Variants in FGF10 observed in about 807,000 individuals in gnomAD.
FGF10 encodes fibroblast growth factor 10, also known as FGF-10.
Under a neutral mutation model 19.8 loss-of-function variants are expected in FGF10, and 2 were observed. The observed-to-expected ratio is 0.10, with a 90% CI of 0.04 to 0.32. The LOEUF (loss-of-function observed/expected upper bound fraction) is 0.32. FGF10 is among the 10% of genes least tolerant of loss of function. The pLI is 1.00. For missense variants in FGF10, 191 were observed against 246.3 expected (o/e 0.78, Z 1.50); for synonymous variants, 112 against 94.0 (o/e 1.19, Z -1.10).
intron 1 of FGF10, among the ~76,000 whole-genome samples, chr5:44,313,509 A>C (rs2111699383): frequency 6.6e-6 from 1 of 152,184 alleles, no homozygotes; most frequent in South Asian, 2.1e-4. Flanking sequence ...AAGTGAGTTA[A>C]GGGCATACTG....
chr5:44,361,615 C>G (rs923194129), intron 1 of FGF10, among the ~76,000 whole-genome samples: 5 of 151,642 alleles, frequency 3.3e-5, no homozygotes, highest in Non-Finnish European at 5.9e-5. Context: ...GATAATAGCT[C>G]TGTTTAGGAG....
In FGF10 at chr5:44,388,562, C is replaced by A; in HGVS notation, c.121G>T (p.Gly41Cys). The A allele has an allele frequency of 6.2e-7, 1 of 1,614,080 alleles. No individual in the cohort carries two copies. Among genetic ancestry groups the A allele is most frequent in the Non-Finnish European group, 8.5e-7 (1 of 1,180,014 alleles). Residue 41 changes from glycine to cysteine, a missense_variant, in exon 1 of 3, where the codon GGT (glycine) becomes TGT (cysteine). Gly to Cys is a radical substitution (Grantham distance 159). This residue lies in a region of FGF10 where 92 missense variants were observed against 84.6 expected (regional missense o/e 1.09). Transcript: ENST00000264664. ...SSVPVTCQAL[G>C]QDMVSPEATN... ...GCCTCTGGTGACACCATGTCCTGAC[C>A]AAGGGCTTGGCAGGTGACAGGGACG...
chr5:44,302,785 G>C lies in FGF10; in HGVS notation c.*2210C>G, dbSNP rs994010337. ...GTTTTAGTGTCTTGAGTACTATAAT[G>C]ATGACTGTTTACACATAGTCTCTTT... On this transcript the variant is annotated 3_prime_UTR_variant, in exon 3 of 3. Coordinates refer to ENST00000264664, the MANE Select transcript of FGF10 (RefSeq NM_004465.2). Among the ~76,000 whole-genome samples the C allele has an allele frequency of 6.6e-6, 1 of 152,126 alleles. No individual in the cohort carries two copies. The highest frequency in any genetic ancestry group is 6.6e-5 in the Admixed American group (1 of 15,246).
At position 44,388,487 on chromosome 5, in the gene FGF10, G is replaced by A. The variant is rs562084259; in HGVS notation, c.196C>T (p.His66Tyr). The change falls in exon 1 of 3, where the codon CAT becomes TAT. Residue 66 changes from histidine to tyrosine, a missense_variant. Physicochemically the swap from His to Tyr is moderately conservative, Grantham distance 83. Coordinates refer to ENST00000264664, the MANE Select transcript of FGF10 (RefSeq NM_004465.2). ...SFSSPSSAGR[H>Y]VRSYNHLQGD... ...TGAAGGTGATTGTAGCTCCGCACAT[G>A]CCTTCCCGCGCTGGAAGGAGAGGAG... is the stretch of plus-strand genomic sequence containing the variant. The A allele has an allele frequency of 1.2e-6, 2 of 1,614,118 alleles. No individual in the cohort carries two copies. Among genetic ancestry groups the A allele is most frequent in the East Asian group, 4.5e-5 (2 of 44,852 alleles).
chr5:44,372,642 G>T (rs1455676565), intron 1 of FGF10, among the ~76,000 whole-genome samples: 1 of 152,006 alleles, frequency 6.6e-6, no homozygotes, highest in Non-Finnish European at 1.5e-5. Flanking sequence ...TAAGACTCTG[G>T]GTATGATCTA....
intron 1 of FGF10, among the ~76,000 whole-genome samples, chr5:44,333,896 G>C (rs1740790608): frequency 6.6e-6 from 1 of 151,936 alleles, no homozygotes; most frequent in African/African-American, 2.4e-5. Flanking sequence ...GCAGCGGGAG[G>C]GAAAGCAGAA....
chr5:44,364,042 C>G (rs1215756764), intron 1 of FGF10, among the ~76,000 whole-genome samples: 1 of 151,798 alleles, frequency 6.6e-6, no homozygotes. Flanking sequence ...AAAGAAAACA[C>G]CAGGGCTGAG....
chr5:44,375,562 G>T (rs891839676), intron 1 of FGF10, among the ~76,000 whole-genome samples: 1 of 152,098 alleles, frequency 6.6e-6, no homozygotes, highest in Non-Finnish European at 1.5e-5. Flanking sequence ...AATCATGAGG[G>T]TCTTATATGA....
At chr5:44,357,369 C>T (rs1426052328) in intron 1 of FGF10, among the ~76,000 whole-genome samples, 1 of 151,234 alleles carries the variant, frequency 6.6e-6, no homozygotes, top group Non-Finnish European at 1.5e-5. Context: ...AGGTTTTTTT[C>T]TTATTAGTTT....
At chr5:44,340,253 T>C (rs1342808548) in intron 1 of FGF10, among the ~76,000 whole-genome samples, 2 of 152,062 alleles carry the variant, frequency 1.3e-5, no homozygotes, top group African/African-American at 2.4e-5. Flanking sequence ...GAACTGAAAG[T>C]AGCCCAAAGA....
intron 1 of FGF10, among the ~76,000 whole-genome samples, chr5:44,348,814 A>T (rs1032238138): frequency 6.6e-6 from 1 of 151,568 alleles, no homozygotes; most frequent in African/African-American, 2.4e-5. Context: ...TGGCAGCTCT[A>T]CATGGGGAGA....
chr5:44,325,218 TA>T (rs1338376394), intron 1 of FGF10, among the ~76,000 whole-genome samples: 1 of 152,060 alleles, frequency 6.6e-6, no homozygotes, highest in Non-Finnish European at 1.5e-5. Context: ...TGGCGGTCAT[TA>T]AAAAGTCAGG....
chr5:44,356,637 T>G (rs904985168), intron 1 of FGF10, among the ~76,000 whole-genome samples: 1 of 151,452 alleles, frequency 6.6e-6, no homozygotes, highest in African/African-American at 2.4e-5. Flanking sequence ...GCAGAAAGAC[T>G]CCACGCCTTT....
intron 1 of FGF10, among the ~76,000 whole-genome samples, chr5:44,336,612 T>C (rs1740859285): frequency 6.6e-6 from 1 of 152,160 alleles, no homozygotes; most frequent in South Asian, 2.1e-4. Flanking sequence ...ACATTTGGAC[T>C]TTGGAAAGCT....
chr5:44,363,497 C>G (rs968119274), intron 1 of FGF10, among the ~76,000 whole-genome samples: 1 of 151,840 alleles, frequency 6.6e-6, no homozygotes, highest in African/African-American at 2.4e-5. Context: ...AAGCTTTATG[C>G]TCTAAATTTT....
intron 1 of FGF10, among the ~76,000 whole-genome samples, chr5:44,324,318 C>A (rs1425966279): frequency 6.6e-6 from 1 of 151,988 alleles, no homozygotes; most frequent in Non-Finnish European, 1.5e-5. Context: ...ATATCCAAGC[C>A]ATGTTAACTG....
rs17228248 is a variant in FGF10 at position 44,305,283 on chromosome 5, TTC to T, written c.430-93_430-92del. The T allele has an allele frequency of 9.3e-3, 11,227 of 1,210,706 alleles. 458 individuals are homozygous for T. In the East Asian group the frequency reaches 0.12, roughly 13 times the overall value. The allele number at this position is 1,210,706 out of a possible 1,614,324, so 75.0% of individuals were successfully genotyped here. A position where few individuals can be genotyped will look rare whatever the true frequency, so the allele number is the denominator to read the frequency against. ...CATCCAGAGAACTCCAGTCCAAGGA[TTC>T]TGTTTGTAGTTGCCATTTGTACCTA... On this transcript the variant is annotated intron_variant, in intron 2 of 2. Transcript: ENST00000264664.
At chr5:44,311,151 A>G (rs896132579) in intron 1 of FGF10, among the ~76,000 whole-genome samples, 1 of 152,060 alleles carries the variant, frequency 6.6e-6, no homozygotes, top group African/African-American at 2.4e-5. Context: ...TGTTGGGGGA[A>G]AATCCATAAA....
intron 1 of FGF10, among the ~76,000 whole-genome samples, chr5:44,368,271 C>T (rs561884632): frequency 6.6e-6 from 1 of 152,132 alleles, no homozygotes; most frequent in East Asian, 1.9e-4. Flanking sequence ...TGATGGATGG[C>T]ATTTTTCAAT....
Sources: allele counts gnomAD v4.1 joint callset (sites outside exome capture counted in the v4.1 genomes callset), GRCh38; gene constraint gnomAD v4.1.1; regional missense constraint gnomAD v4.1.1; transcripts MANE v1.5; gene names NCBI Gene and HGNC (gene_info 2026-07-23, HGNC 2026-07-21).